ZHX2: variants seen among roughly 807,000 people sequenced by gnomAD.
The protein encoded by ZHX2 is zinc fingers and homeoboxes protein 2.
A neutral mutation model predicts 21.9 loss-of-function variants in ZHX2; 6 were observed. The observed-to-expected ratio is 0.27, with a 90% CI of 0.15 to 0.54. The LOEUF (loss-of-function observed/expected upper bound fraction) is 0.54. Among genes scored for constraint, ZHX2 ranks in the 20% least tolerant of loss-of-function variants. The pLI, the probability that ZHX2 is intolerant of heterozygous loss-of-function variation, is 0.95. For synonymous variants in ZHX2, 434 were observed against 437.1 expected, an observed-to-expected ratio of 0.99 and a Z score of 0.09; for missense variants, 908 against 1,090.7, an observed-to-expected ratio of 0.83 and a Z score of 2.36.
chr8:122,792,589 A>T (rs1443270541), intron 1 of ZHX2, among the ~76,000 whole-genome samples: 1 of 152,184 alleles, frequency 6.6e-6, no homozygotes, highest in Non-Finnish European at 1.5e-5. Context: ...TGTTCCCATC[A>T]GCAGAGTATG....
intron 2 of ZHX2, among the ~76,000 whole-genome samples, chr8:122,895,264 G>A (rs1322384986): frequency 6.6e-6 from 1 of 152,138 alleles, no homozygotes; most frequent in Non-Finnish European, 1.5e-5. Flanking sequence ...CATTGGCAAG[G>A]GCATTTGCAA....
chr8:122,948,351 C>T (rs1335425517), intron 2 of ZHX2, among the ~76,000 whole-genome samples: 1 of 152,114 alleles, frequency 6.6e-6, no homozygotes, highest in East Asian at 1.9e-4. Flanking sequence ...CTCCCACCTC[C>T]TTTAGCCCAT....
At chr8:122,895,319 A>G (rs900912641) in intron 2 of ZHX2, among the ~76,000 whole-genome samples, 3 of 152,184 alleles carry the variant, frequency 2.0e-5, no homozygotes, top group Admixed American at 1.3e-4. Flanking sequence ...GCACTTTCTG[A>G]GAAAGGAACA....
intron 1 of ZHX2, among the ~76,000 whole-genome samples, chr8:122,814,633 T>A (rs1012601598): frequency 3.9e-5 from 6 of 152,254 alleles, no homozygotes; most frequent in Non-Finnish European, 8.8e-5. Flanking sequence ...ACAAGTTTAA[T>A]CTGGCATGAT....
At chr8:122,871,642 C>T (rs1030150817) in intron 2 of ZHX2, among the ~76,000 whole-genome samples, 4 of 144,800 alleles carry the variant, frequency 2.8e-5, no homozygotes, top group South Asian at 4.5e-4. Context: ...CAAACCTGCA[C>T]GTTGTGCACA....
At chr8:122,916,380 C>A (rs570226003) in intron 2 of ZHX2, among the ~76,000 whole-genome samples, 1 of 152,216 alleles carries the variant, frequency 6.6e-6, no homozygotes, top group African/African-American at 2.4e-5. Context: ...TTCCCCTTGG[C>A]GCCTGGAGGA....
At chr8:122,870,738 T>G (rs1336865482) in intron 2 of ZHX2, among the ~76,000 whole-genome samples, 1 of 143,662 alleles carries the variant, frequency 7.0e-6, no homozygotes, top group Admixed American at 7.0e-5. Flanking sequence ...AAGGAAGCAG[T>G]GAGGAGATGG....
At chr8:122,854,573 G>A (rs1037850913) in intron 1 of ZHX2, among the ~76,000 whole-genome samples, 2 of 152,144 alleles carry the variant, frequency 1.3e-5, no homozygotes, top group Non-Finnish European at 2.9e-5. Flanking sequence ...CCCTGACTGT[G>A]CTCCTCACCT....
rs545816377 is a variant in ZHX2, at chr8:122,959,014, ATGT to A, written c.*4+4990_*4+4992del. On this transcript the variant is annotated intron_variant, in intron 3 of 3. Coordinates refer to ENST00000314393, the MANE Select transcript of ZHX2 (RefSeq NM_014943.5). ...GAGGGGGAGAGGTGGCTTTTCCAAC[ATGT>A]TGTCTGATTCAGAACCTTCCCACCA... Among the ~76,000 whole-genome samples the A allele has an allele frequency of 4.3e-3, 648 of 152,280 alleles. 1 individual carries two copies. The highest frequency in any genetic ancestry group is 0.02 in the South Asian group (94 of 4,812).
At chr8:122,860,222 A>G (rs941489319) in intron 1 of ZHX2, among the ~76,000 whole-genome samples, 1 of 152,220 alleles carries the variant, frequency 6.6e-6, no homozygotes, top group African/African-American at 2.4e-5. Flanking sequence ...TCATGAGAAC[A>G]GCATGGGGAA....
chr8:122,933,622 C>A (rs1478635433), intron 2 of ZHX2, among the ~76,000 whole-genome samples: 1 of 151,960 alleles, frequency 6.6e-6, no homozygotes, highest in Non-Finnish European at 1.5e-5. Flanking sequence ...AAGAAAGCCG[C>A]TATGCTTCAA....
chr8:122,848,214 C>G (rs1054582098), intron 1 of ZHX2, among the ~76,000 whole-genome samples: 23 of 152,050 alleles, frequency 1.5e-4, no homozygotes, highest in Non-Finnish European at 3.2e-4. Flanking sequence ...TGTTGCGTCT[C>G]TGTGTGTGTG....
At chr8:122,830,884 C>T (rs1192736277) in intron 1 of ZHX2, among the ~76,000 whole-genome samples, 2 of 152,148 alleles carry the variant, frequency 1.3e-5, no homozygotes, top group African/African-American at 2.4e-5. Flanking sequence ...GATGTTTTGT[C>T]CACAACTGGC....
intron 2 of ZHX2, among the ~76,000 whole-genome samples, chr8:122,943,347 A>T (rs1273673071): frequency 6.6e-6 from 1 of 152,074 alleles, no homozygotes; most frequent in Non-Finnish European, 1.5e-5. Context: ...TTTTAACACA[A>T]TCCCTAGGTC....
At chr8:122,818,458 G>A (rs1818076643) in intron 1 of ZHX2, among the ~76,000 whole-genome samples, 1 of 152,120 alleles carries the variant, frequency 6.6e-6, no homozygotes. Flanking sequence ...GCTGCCATTT[G>A]AGAGCTGATC....
At position 122,814,879 on chromosome 8, in the gene ZHX2, G is replaced by T. The variant is rs537944826; in HGVS notation, c.-283+32933G>T. Among the ~76,000 whole-genome samples the T allele has an allele frequency of 4.6e-4, 63 of 136,478 alleles. No individual in the cohort carries two copies. In the South Asian group the frequency reaches 0.014, roughly 30 times the overall value. 89.5% of individuals were successfully genotyped at this position (136,478 alleles called of 152,430 possible). A position where few individuals can be genotyped will look rare whatever the true frequency, so the allele number is the denominator to read the frequency against. ...GTTTGTTTTTTTAATCATAAATGGG[G>T]ATAAAAACATAATCCCTACCTCATC... On this transcript the variant is annotated intron_variant, in intron 1 of 3. Transcript: ENST00000314393.
chr8:122,801,349 T>C (rs1817716169), intron 1 of ZHX2, among the ~76,000 whole-genome samples: 1 of 152,196 alleles, frequency 6.6e-6, no homozygotes, highest in Non-Finnish European at 1.5e-5. Flanking sequence ...TGGAGTTTCA[T>C]AAGTTAGGAC....
intron 2 of ZHX2, 35 bp from the exon 3 acceptor site, chr8:122,951,257 A>G: frequency 2.1e-6 from 1 of 467,010 alleles, no homozygotes; most frequent in Admixed American, 3.8e-5. Flanking sequence ...TGCGTTGTGA[A>G]GAGACACTGA....
intron 1 of ZHX2, among the ~76,000 whole-genome samples, chr8:122,847,876 G>T (rs1398190640): frequency 3.3e-5 from 5 of 152,222 alleles, no homozygotes; most frequent in African/African-American, 1.2e-4. Flanking sequence ...TTCAGAAACA[G>T]TTGAGGGGAG....
Sources: allele counts gnomAD v4.1 joint callset (sites outside exome capture counted in the v4.1 genomes callset), GRCh38; gene constraint gnomAD v4.1.1; transcripts MANE v1.5; gene names NCBI Gene and HGNC (gene_info 2026-07-23, HGNC 2026-07-21).